Variants in CAMTA1 observed in about 807,000 individuals in gnomAD.
CAMTA1 encodes calmodulin-binding transcription activator 1.
A neutral mutation model predicts 170.9 loss-of-function variants in CAMTA1; 27 were observed. The ratio of observed to expected loss-of-function variants is 0.16; its 90% CI spans 0.12 to 0.22. The LOEUF is 0.22. CAMTA1 is among the 10% of genes least tolerant of loss of function. The pLI is 1.00. For synonymous variants in CAMTA1, 833 were observed against 891.5 expected (o/e 0.93, Z 1.17); for missense variants, 1,619 against 2,217.2 (o/e 0.73, Z 5.42).
At chr1:7,390,753 G>A (rs1165593624) in intron 5 of CAMTA1, among the ~76,000 whole-genome samples, 1 of 152,244 alleles carries the variant, frequency 6.6e-6, no homozygotes, top group Admixed American at 6.5e-5. Flanking sequence ...ATTCCTACGG[G>A]GCTTGCAGCC....
In CAMTA1 at chr1:7,456,408, A is replaced by T. The variant is rs2092954854; in HGVS notation, c.439-11422A>T. On this transcript the variant is annotated intron_variant, in intron 5 of 22. Coordinates refer to ENST00000303635, the MANE Select transcript of CAMTA1 (RefSeq NM_015215.4). This position sits in a 1 kb window ranked among gnomAD's most constrained non-coding sequence, Gnocchi z 4.9. The stretch of plus-strand genomic sequence containing the variant: ...AAATAGGTCTCAGCGGTACATTTTG[A>T]TGAAAGAGAGGGAATTTCACTTTAT... Among the ~76,000 whole-genome samples the T allele has an allele frequency of 6.6e-6, 1 of 152,192 alleles. No homozygotes were observed. The highest frequency in any genetic ancestry group is 2.4e-5 in the African/African-American group (1 of 41,448).
intron 5 of CAMTA1, among the ~76,000 whole-genome samples, chr1:7,281,679 G>A (rs1319517528): frequency 1.3e-5 from 2 of 152,122 alleles, no homozygotes; most frequent in Non-Finnish European, 2.9e-5. Context: ...TAATATCACT[G>A]TCCATTCAAT....
chr1:7,043,384 T>C (rs1704800707), intron 3 of CAMTA1, among the ~76,000 whole-genome samples: 1 of 151,382 alleles, frequency 6.6e-6, no homozygotes, highest in South Asian at 2.1e-4. Flanking sequence ...TGTGTGTGTG[T>C]GCACGTGCCT....
In CAMTA1 at chr1:7,677,635, T is replaced by C. The variant is rs2096135844; in HGVS notation, c.2816T>C (p.Phe939Ser). 6.2e-7 allele frequency: 1 copy of C among 1,613,994 alleles called. No homozygotes were observed. The highest frequency in any genetic ancestry group is 1.7e-5 in the Admixed American group (1 of 60,002). The change falls in exon 11 of 23, where the codon TTC becomes TCC. Residue 939 changes from phenylalanine (F) to serine (S), a missense_variant. Phe to Ser is a radical substitution (Grantham distance 155). This residue lies in a region of CAMTA1 where 143 missense variants were observed against 184.2 expected (regional missense o/e 0.78). Transcript: ENST00000303635. ...DTGLVTLQVA[F>S]NNQIISNSVV... The stretch of plus-strand genomic sequence containing the variant: ...GGTCTTGTGACCCTACAAGTTGCCT[T>C]CAACAACCAGATCATCTCCAACTCG...
chr1:6,904,705 T>C (rs1364831714), intron 3 of CAMTA1, among the ~76,000 whole-genome samples: 1 of 144,310 alleles, frequency 6.9e-6, no homozygotes. Context: ...TATCTGGAAC[T>C]ACAGGCATGC....
chr1:7,258,708 A>G (rs528621680), intron 5 of CAMTA1, among the ~76,000 whole-genome samples: 2 of 152,210 alleles, frequency 1.3e-5, no homozygotes, highest in Non-Finnish European at 2.9e-5. Flanking sequence ...ACTTGACTGA[A>G]TCATCAAATA....
chr1:6,904,556 T>G (rs114448882), intron 3 of CAMTA1, among the ~76,000 whole-genome samples: 16 of 151,266 alleles, frequency 1.1e-4, no homozygotes, highest in African/African-American at 3.9e-4. Flanking sequence ...TTCTTTCTTT[T>G]TTTTTTTTTA....
chr1:7,370,670 G>A (rs1008983640), intron 5 of CAMTA1, among the ~76,000 whole-genome samples: 12 of 152,074 alleles, frequency 7.9e-5, no homozygotes, highest in African/African-American at 2.9e-4. Context: ...TTTGATAGTC[G>A]GCGTTCTTGG....
intron 3 of CAMTA1, among the ~76,000 whole-genome samples, chr1:6,933,006 TA>T (rs1684669348): frequency 1.3e-5 from 2 of 152,158 alleles, no homozygotes; most frequent in Non-Finnish European, 2.9e-5. Flanking sequence ...TCAGTTTTTT[TA>T]AATCTTTTTT....
intron 3 of CAMTA1, among the ~76,000 whole-genome samples, chr1:7,051,991 C>T (rs978142616): frequency 1.3e-5 from 2 of 149,360 alleles, no homozygotes; most frequent in African/African-American, 4.9e-5. Flanking sequence ...TCTGGCTCTG[C>T]CGTGGGGACA....
At chr1:7,099,500 G>C (rs1016956267) in intron 4 of CAMTA1, among the ~76,000 whole-genome samples, 1 of 152,168 alleles carries the variant, frequency 6.6e-6, no homozygotes, top group Non-Finnish European at 1.5e-5. Context: ...TTTTGGTTCT[G>C]ATATTTACCT....
chr1:7,669,783 G>A (rs1377726332), intron 9 of CAMTA1, among the ~76,000 whole-genome samples: 3 of 152,174 alleles, frequency 2.0e-5, no homozygotes, highest in African/African-American at 7.2e-5. Context: ...CGGGAGGCCG[G>A]CACCCCTACC....
At chr1:7,004,821 G>T (rs1336765356) in intron 3 of CAMTA1, among the ~76,000 whole-genome samples, 1 of 152,174 alleles carries the variant, frequency 6.6e-6, no homozygotes, top group Non-Finnish European at 1.5e-5. Context: ...AGGCTAGAGT[G>T]CAATGGCACG....
At chr1:7,054,634 A>C (rs1331166175) in intron 3 of CAMTA1, among the ~76,000 whole-genome samples, 1 of 152,196 alleles carries the variant, frequency 6.6e-6, no homozygotes, top group African/African-American at 2.4e-5. Context: ...CTCCTGGCAG[A>C]GAGCGACTGA....
chr1:7,060,137 G>A (rs1707987700), intron 3 of CAMTA1, among the ~76,000 whole-genome samples: 2 of 152,280 alleles, frequency 1.3e-5, no homozygotes, highest in South Asian at 4.1e-4. Flanking sequence ...CCTTTCCTAG[G>A]GGGTGGTATG....
intron 3 of CAMTA1, among the ~76,000 whole-genome samples, chr1:7,003,380 T>C (rs531727912): frequency 6.6e-6 from 1 of 152,384 alleles, no homozygotes; most frequent in South Asian, 2.1e-4. Flanking sequence ...GCTTTGATTC[T>C]GCTCTGTCAA....
chr1:7,156,305 G>A (rs1646883532), intron 4 of CAMTA1, among the ~76,000 whole-genome samples: 2 of 151,468 alleles, frequency 1.3e-5, no homozygotes, highest in Non-Finnish European at 2.9e-5. Flanking sequence ...AAATAGGAGA[G>A]GGTCTCTATC....
intron 5 of CAMTA1, among the ~76,000 whole-genome samples, chr1:7,346,418 G>A (rs1268201885): frequency 6.6e-6 from 1 of 152,152 alleles, no homozygotes; most frequent in African/African-American, 2.4e-5. Context: ...TCCTGCTGAG[G>A]ACGGGGGAAC....
chr1:6,943,025 TC>T (rs978593493), intron 3 of CAMTA1, among the ~76,000 whole-genome samples: 2 of 152,124 alleles, frequency 1.3e-5, no homozygotes, highest in African/African-American at 4.8e-5. Context: ...GCCTTCGATG[TC>T]CTGGGCAACG....
Sources: gnomAD v4.1 joint callset for allele counts (sites outside exome capture counted in the v4.1 genomes callset) on GRCh38, gnomAD v4.1.1 for gene constraint, gnomAD v4.1.1 regional missense constraint, Gnocchi (gnomAD v3.1) non-coding constraint, MANE v1.5 for transcripts, NCBI Gene and HGNC (gene_info 2026-07-23, HGNC 2026-07-21) for gene names.